Variants in ARID4A observed in about 807,000 individuals in gnomAD.
The protein encoded by ARID4A is AT-rich interaction domain 4A.
A neutral mutation model predicts 148.6 loss-of-function variants in ARID4A; 39 were observed. The observed-to-expected ratio is 0.26, with a 90% CI of 0.20 to 0.34. ARID4A has a LOEUF of 0.34. ARID4A is among the 10% of genes least tolerant of loss of function. The pLI is 1.00. For synonymous variants in ARID4A, 475 were observed against 481.2 expected (o/e 0.99, Z 0.17); for missense variants, 1,265 against 1,449.1 (o/e 0.87, Z 2.06).
chr14:58,350,624 G>A (rs560233599), intron 15 of ARID4A, among the ~76,000 whole-genome samples: 103 of 152,198 alleles, frequency 6.8e-4, no homozygotes, highest in African/African-American at 2.3e-3. Context: ...TCTTACTAAC[G>A]GTAGAATTAG....
Position 58,330,126 on chromosome 14 carries a change from A to T in ARID4A, c.863A>T (p.Asp288Val), listed in dbSNP as rs767542194. Residue 288 changes from aspartate (D) to valine (V), a missense_variant, in exon 11 of 24, where the codon GAT becomes GTT. Asp to Val is a radical substitution (Grantham distance 152). Coordinates refer to ENST00000355431, the MANE Select transcript of ARID4A (RefSeq NM_002892.4). The stretch of plus-strand genomic sequence containing the variant: ...GAAGATGGCCCAGCTGAAGAAAATG[A>T]TGAAGAGAAGGAAAAGGAGGCCAAA... Reference protein sequence around the residue: ...DDEDGPAEENDEEKEKEAKKT... With the variant: ...DDEDGPAEENVEEKEKEAKKT... 4 of 1,613,324 alleles carry T rather than the reference A, an allele frequency of 2.5e-6. No individual in the cohort carries two copies. In the South Asian group the frequency reaches 4.4e-5, roughly 18 times the overall value.
intron 3 of ARID4A, among the ~76,000 whole-genome samples, chr14:58,302,091 C>T (rs977919469): frequency 3.8e-4 from 58 of 152,132 alleles, no homozygotes; most frequent in African/African-American, 1.4e-3. Context: ...GGCGTAGTGT[C>T]TCATGCCTGT....
chr14:58,343,703 T>A (rs1450671688), intron 11 of ARID4A, among the ~76,000 whole-genome samples: 1 of 151,874 alleles, frequency 6.6e-6, no homozygotes, highest in Non-Finnish European at 1.5e-5. Flanking sequence ...AGTGGCACAC[T>A]CCTGTAGTCC....
At chr14:58,346,200 A>G (rs1013784435) in intron 12 of ARID4A, among the ~76,000 whole-genome samples, 106 of 148,962 alleles carry the variant, frequency 7.1e-4, no homozygotes, top group African/African-American at 2.6e-3. Context: ...ATTATTATAT[A>G]TATTATTATA....
Position 58,318,539 on chromosome 14 carries a change from T to C in ARID4A, c.275-3T>C, listed in dbSNP as rs1055196657. The C allele has an allele frequency of 9.3e-6, 15 of 1,613,890 alleles. No individual in the cohort carries two copies. The highest frequency in any genetic ancestry group is 3.3e-5 in the Admixed American group (2 of 60,010). On this transcript the variant is annotated splice_region_variant and splice_polypyrimidine_tract_variant and intron_variant, in intron 5 of 23. Transcript: ENST00000355431. ...ATTCTCTGTTATCTTTTGCTTATTA[T>C]AGTGTTTGATGATGGTGATGAGCGA...
intron 9 of ARID4A, among the ~76,000 whole-genome samples, chr14:58,329,272 TAGG>T (rs1362537878): frequency 6.6e-6 from 1 of 152,142 alleles, no homozygotes; most frequent in African/African-American, 2.4e-5. Context: ...GTACTATCTG[TAGG>T]AGGATTGTAT....
At chr14:58,329,917 G>T (rs552220321) in intron 10 of ARID4A, 86 bp from the exon 11 acceptor site, 138 of 1,515,602 alleles carry the variant, frequency 9.1e-5, no homozygotes, top group Non-Finnish European at 1.2e-4. Context: ...TTTGAATTCA[G>T]ATCTTTGATT....
rs778582277 is a variant in ARID4A, at chr14:58,361,058, G to T, written c.2080+16G>T. 3 of 1,611,468 alleles carry T rather than the reference G, an allele frequency of 1.9e-6. No homozygotes were observed. Among genetic ancestry groups the T allele is most frequent in the Non-Finnish European group, 2.5e-6 (3 of 1,178,888 alleles). ...GGAAAATCAGGTACCAGAAGTGCTC[G>T]CAGCAATATACCAGACAGCTCACCT... is the stretch of plus-strand genomic sequence containing the variant. On this transcript the variant is annotated intron_variant, in intron 19 of 23. Coordinates refer to ENST00000355431, the MANE Select transcript of ARID4A (RefSeq NM_002892.4).
In ARID4A at chr14:58,328,279, G is replaced by A. The variant is rs2033326481; in HGVS notation, c.625G>A (p.Asp209Asn). 1.9e-6 allele frequency: 3 copies of A among 1,605,168 alleles called. No homozygotes were observed. The highest frequency in any genetic ancestry group is 2.6e-6 in the Non-Finnish European group (3 of 1,172,480). ...TAATGATGACATCACAGTGAAAAAG[G>A]ATCAGTGTTTAGTTCGATCATTTAT... ...SCNDDITVKK[D>N]QCLVRSFIDS... The change falls in exon 9 of 24, where the codon GAT becomes AAT. Residue 209 changes from aspartate (D) to asparagine (N), a missense_variant. Transcript: ENST00000355431.
At chr14:58,353,597 T>C in intron 16 of ARID4A, 61 bp from the exon 17 acceptor site, 1 of 1,435,144 alleles carries the variant, frequency 7.0e-7, no homozygotes, top group Non-Finnish European at 9.7e-7. Flanking sequence ...TGGATTCTTT[T>C]AGCATATTTT....
intron 2 of ARID4A, among the ~76,000 whole-genome samples, chr14:58,301,133 T>G (rs1594856031): frequency 6.6e-6 from 1 of 152,358 alleles, no homozygotes; most frequent in East Asian, 1.9e-4. Flanking sequence ...ATGTTACCTT[T>G]ATGTGGCTAT....
In ARID4A at chr14:58,318,734, A is replaced by C; in HGVS notation, c.378A>C (p.Thr126=). The part of the protein sequence containing the change: ...ESETLDQLPL[T]NPEHFGTPVI... ...AGACACTTGACCAGCTTCCATTAAC[A>C]AATCCAGAGCATTTTGGAACTCCAG... The change falls in exon 7 of 24, where the codon ACA becomes ACC. Residue 126 remains threonine, a synonymous_variant. Coordinates refer to ENST00000355431, the MANE Select transcript of ARID4A (RefSeq NM_002892.4). 6.2e-7 allele frequency: 1 copy of C among 1,614,136 alleles called. No individual in the cohort carries two copies. Among genetic ancestry groups the C allele is most frequent in the Non-Finnish European group, 8.5e-7 (1 of 1,179,990 alleles).
rs182102370 is a variant in ARID4A at position 58,344,888 on chromosome 14, T to A, written c.979+121T>A. ...TTTTGGATTTTATTTATTTATTTAT[T>A]TTGAGGCAGGTTCTTGCTTTGATGC... is the stretch of plus-strand genomic sequence containing the variant. On this transcript the variant is annotated intron_variant, in intron 12 of 23. Transcript: ENST00000355431. 8.5e-5 allele frequency: 65 copies of A among 762,892 alleles called. No individual in the cohort carries two copies. The African/African-American group carries it at 1.0e-3, about 12-fold the overall frequency. The allele number at this position is 762,892 out of a possible 1,614,324, so 47.3% of individuals were successfully genotyped here.
intron 11 of ARID4A, among the ~76,000 whole-genome samples, chr14:58,331,994 TAC>T (rs1491100585): frequency 1.1e-4 from 4 of 35,312 alleles, no homozygotes; most frequent in Admixed American, 3.2e-4. Flanking sequence ...GCATTTTCCC[TAC>T]CCCCCCCCCC....
Position 58,331,553 on chromosome 14 carries a change from A to G in ARID4A, c.906+1384A>G, listed in dbSNP as rs1003209678. The stretch of plus-strand genomic sequence containing the variant: ...TTTTGTGTGTTTAGTTACCATTTTG[A>G]TTGCCAAAAACGGGATTAAATAAGA... On this transcript the variant is annotated intron_variant, in intron 11 of 23. Coordinates refer to ENST00000355431, the MANE Select transcript of ARID4A (RefSeq NM_002892.4). 3 of 152,286 alleles carry G rather than the reference A, an allele frequency of 2.0e-5. No homozygotes were observed. The East Asian group carries it at 5.8e-4, about 29-fold the overall frequency. The allele number at this position is 152,286 out of a possible 1,614,324, so 9.4% of individuals were successfully genotyped here.
intron 23 of ARID4A, among the ~76,000 whole-genome samples, 187 bp downstream of exon 23, chr14:58,367,216 G>T (rs1011587533): frequency 6.6e-6 from 1 of 152,210 alleles, no homozygotes; most frequent in African/African-American, 2.4e-5. Flanking sequence ...ACCCTTAAAA[G>T]GGAGTATGAA....
chr14:58,299,719 G>A, intron 1 of ARID4A, 79 bp from the exon 2 acceptor site: 1 of 1,281,962 alleles, frequency 7.8e-7, no homozygotes, highest in South Asian at 1.2e-5. Flanking sequence ...CCCCGCTGGC[G>A]TTTGTTTACT....
chr14:58,318,947 G>C (rs1054475560), intron 7 of ARID4A, 142 bp downstream of exon 7: 3 of 629,250 alleles, frequency 4.8e-6, no homozygotes, highest in Non-Finnish European at 5.4e-6. Context: ...ACCCTGAGTG[G>C]ACCTTGTTCT....
At chr14:58,301,189 A>G (rs1294142510) in intron 2 of ARID4A, among the ~76,000 whole-genome samples, 3 of 152,220 alleles carry the variant, frequency 2.0e-5, no homozygotes, top group Non-Finnish European at 4.4e-5. Flanking sequence ...TAGTAGCAAT[A>G]TTTCTTTTAA....
Sources: gnomAD v4.1 joint callset for allele counts (sites outside exome capture counted in the v4.1 genomes callset) on GRCh38, gnomAD v4.1.1 for gene constraint, MANE v1.5 for transcripts, NCBI Gene and HGNC (gene_info 2026-07-23, HGNC 2026-07-21) for gene names.